Variants in ZNF106 observed in about 807,000 individuals in gnomAD.
ZNF106 encodes the protein SH3-domain binding protein 3.
A neutral mutation model predicts 195.1 loss-of-function variants in ZNF106; 67 were observed. The observed-to-expected ratio is 0.34, with a 90% CI of 0.28 to 0.42. The LOEUF (loss-of-function observed/expected upper bound fraction) is 0.42. ZNF106 is among the 10% of genes least tolerant of loss of function. The probability of loss-of-function intolerance (pLI) is 1.00; values close to 1 mark genes in which losing one functional copy is unlikely to be tolerated. For missense variants in ZNF106, 2,118 were observed against 2,304.5 expected (o/e 0.92, Z 1.66); for synonymous variants, 784 against 818.6 (o/e 0.96, Z 0.72).
intron 1 of ZNF106, among the ~76,000 whole-genome samples, chr15:42,473,986 TA>T (rs1283193291): frequency 6.6e-6 from 1 of 151,764 alleles, no homozygotes; most frequent in Non-Finnish European, 1.5e-5. Context: ...AAAGGCCAGG[TA>T]AAAAAAGAAC....
At position 42,456,990 on chromosome 15, in the gene ZNF106, A is replaced by G. The variant is rs759587762; in HGVS notation, c.285T>C (p.Ile95=). The part of the protein sequence containing the change: ...EEEDYFDKEL[I]QLIKQRKEQS... ...GTTCTTTCCTTTGTTTTATTAACTG[A>G]ATGAGTTCCTTGTCAAAATAATCTT... is the stretch of plus-strand genomic sequence containing the variant. The change falls in exon 4 of 22, where the codon ATT becomes ATC. Residue 95 remains isoleucine (I), a synonymous_variant. Transcript: ENST00000564754. 27 of 1,612,612 alleles carry G rather than the reference A, an allele frequency of 1.7e-5. No individual in the cohort carries two copies. The highest frequency in any genetic ancestry group is 2.2e-5 in the Non-Finnish European group (26 of 1,179,046).
At position 42,439,591 on chromosome 15, in the gene ZNF106, G is replaced by A. The variant is rs2055422879; in HGVS notation, c.3986C>T (p.Ala1329Val). Residue 1329 changes from alanine (A) to valine (V), a missense_variant, in exon 11 of 22, where the codon GCC (alanine) becomes GTC (valine). By Grantham distance (64) the Ala-to-Val change is moderately conservative. Coordinates refer to ENST00000564754, the MANE Select transcript of ZNF106 (RefSeq NM_001366845.3). ...CAATCTTAGAAAAGAACTGGTACAG[G>A]CTTCAGACCCACTATTGCCTTTGGT... Reference protein sequence around the residue: ...EPTKGNSGSEACTSSFLRLSF... With the variant: ...EPTKGNSGSEVCTSSFLRLSF... The A allele has an allele frequency of 1.2e-6, 2 of 1,614,016 alleles. No individual in the cohort carries two copies. Among genetic ancestry groups the A allele is most frequent in the African/African-American group, 1.3e-5 (1 of 74,900 alleles).
intron 4 of ZNF106, among the ~76,000 whole-genome samples, chr15:42,455,812 G>A (rs1190010481): frequency 1.3e-5 from 2 of 152,152 alleles, no homozygotes; most frequent in Non-Finnish European, 2.9e-5. Context: ...TTTAGAATCT[G>A]AAATGATTCT....
At chr15:42,422,667 C>A (rs1401419768) in intron 17 of ZNF106, 47 bp from the exon 18 acceptor site, 7 of 1,557,046 alleles carry the variant, frequency 4.5e-6, no homozygotes, top group Non-Finnish European at 6.1e-6. Flanking sequence ...TTTCGAGACT[C>A]CTTCCTGGTT....
chr15:42,454,228 C>G lies in ZNF106; in HGVS notation c.318-2274G>C, dbSNP rs555701464. On this transcript the variant is annotated intron_variant, in intron 4 of 21. Coordinates refer to ENST00000564754, the MANE Select transcript of ZNF106 (RefSeq NM_001366845.3). ...TTAAAAGTCTATTTAGAAGTTCAAA[C>G]ATCCACTCATATTATATAAATTACA... Among the ~76,000 whole-genome samples the G allele has an allele frequency of 5.9e-5, 9 of 152,346 alleles. No individual in the cohort carries two copies. The South Asian group carries it at 1.9e-3, about 32-fold the overall frequency.
rs1440664733 is a variant in ZNF106, at chr15:42,438,622, C to A, written c.4590G>T (p.Lys1530Asn). 7 of 1,613,400 alleles carry A rather than the reference C, an allele frequency of 4.3e-6. No individual in the cohort carries two copies. Among genetic ancestry groups the A allele is most frequent in the Admixed American group, 3.3e-5 (2 of 59,966 alleles). Residue 1530 changes from lysine (K) to asparagine (N), a missense_variant, in exon 12 of 22, where the codon AAG becomes AAT. Physicochemically the swap from Lys to Asn is moderately conservative, Grantham distance 94. Transcript: ENST00000564754. The part of the protein sequence containing the change: ...QTVISSIKGS[K>N]NSSEISSEPG... ...CTGAACAGCAAATACCTGAAGAATTCTTTGATCCTTTTATGGAGGAGATCA... is the reference window on the plus strand; with the variant it reads ...CTGAACAGCAAATACCTGAAGAATTATTTGATCCTTTTATGGAGGAGATCA...
At chr15:42,442,013 T>A (rs1428777585) in intron 10 of ZNF106, 60 bp downstream of exon 10, 1 of 1,374,688 alleles carries the variant, frequency 7.3e-7, no homozygotes, top group African/African-American at 1.5e-5. Context: ...ATATCACTCA[T>A]ATAAAAATGC....
In ZNF106 at chr15:42,422,652, C is replaced by A. The variant is rs749333269; in HGVS notation, c.5254-32G>T. The A allele has an allele frequency of 3.2e-5, 50 of 1,575,928 alleles. 1 individual carries two copies. The South Asian group carries it at 5.5e-4, about 17-fold the overall frequency. Reference sequence around the variant, plus strand: ...CAGAAGAGAAGTAAGAGTCACCAGACTGACTTTCGAGACTCCTTCCTGGTT... The same window carrying A: ...CAGAAGAGAAGTAAGAGTCACCAGAATGACTTTCGAGACTCCTTCCTGGTT... On this transcript the variant is annotated intron_variant, in intron 17 of 21. Coordinates refer to ENST00000564754, the MANE Select transcript of ZNF106 (RefSeq NM_001366845.3).
intron 15 of ZNF106, among the ~76,000 whole-genome samples, chr15:42,426,563 CTTT>C (rs539711765): frequency 2.7e-4 from 31 of 115,734 alleles, no homozygotes; most frequent in African/African-American, 1.0e-3. Flanking sequence ...CCATACTTAG[CTTT>C]TTTTTTTTTT....
chr15:42,438,986 T>C, intron 11 of ZNF106, 47 bp downstream of exon 11: 3 of 1,531,564 alleles, frequency 2.0e-6, no homozygotes, highest in Non-Finnish European at 2.6e-6. Context: ...TTTAAAAAAA[T>C]AAAGTTGGTG....
At position 42,451,489 on chromosome 15, in the gene ZNF106, A is replaced by T. The variant is rs2141361479; in HGVS notation, c.783T>A (p.Ser261Arg). The change falls in exon 5 of 22, where the codon AGT becomes AGA. Residue 261 changes from serine to arginine, a missense_variant. Ser to Arg is a moderately radical substitution (Grantham distance 110, BLOSUM62 -1). Transcript: ENST00000564754. ...SVRSTNNWNYSGPGDKFQPGR... is the reference protein window; with the variant it reads ...SVRSTNNWNYRGPGDKFQPGR... ...CTGGTTGAAATTTGTCTCCAGGGCCACTGTAATTCCAATTATTTGTACTAC... is the reference window on the plus strand; with the variant it reads ...CTGGTTGAAATTTGTCTCCAGGGCCTCTGTAATTCCAATTATTTGTACTAC... The T allele has an allele frequency of 1.2e-6, 2 of 1,614,246 alleles. No homozygotes were observed. The highest frequency in any genetic ancestry group is 4.5e-5 in the East Asian group (2 of 44,890).
intron 1 of ZNF106, among the ~76,000 whole-genome samples, chr15:42,474,290 T>C (rs987687496): frequency 5.9e-5 from 9 of 152,350 alleles, no homozygotes; most frequent in African/African-American, 1.7e-4. Flanking sequence ...AATTAAAATT[T>C]AAATTCCGTG....
At chr15:42,475,637 T>C (rs893060768) in intron 1 of ZNF106, among the ~76,000 whole-genome samples, 2 of 152,200 alleles carry the variant, frequency 1.3e-5, no homozygotes, top group African/African-American at 4.8e-5. Flanking sequence ...TTAAGTGCTG[T>C]AGCATACTAC....
At position 42,439,066 on chromosome 15, in the gene ZNF106, A is replaced by G; in HGVS notation, c.4511T>C (p.Ile1504Thr). The part of the protein sequence containing the change: ...GCDEVSSTSE[I>T]GTRYKDGIPV... ...GATGCCATCTTTATAGCGAGTGCCA[A>G]TTTCACTGGTAGAGCTAACTTCATC... Residue 1504 changes from isoleucine (I) to threonine (T), a missense_variant, in exon 11 of 22, where the codon ATT becomes ACT. By Grantham distance (89) the Ile-to-Thr change is moderately conservative (BLOSUM62 -1). Coordinates refer to ENST00000564754, the MANE Select transcript of ZNF106 (RefSeq NM_001366845.3). 2 of 1,613,894 alleles carry G rather than the reference A, an allele frequency of 1.2e-6. No homozygotes were observed. Among genetic ancestry groups the G allele is most frequent in the Non-Finnish European group, 1.7e-6 (2 of 1,179,920 alleles).
chr15:42,427,227 G>A (rs925143654), intron 15 of ZNF106, among the ~76,000 whole-genome samples: 4 of 152,014 alleles, frequency 2.6e-5, no homozygotes, highest in African/African-American at 9.7e-5. Context: ...TGGTCTCCCT[G>A]CCTTTGCTAA....
chr15:42,450,777 T>A lies in ZNF106; in HGVS notation c.1495A>T (p.Thr499Ser). 6.2e-7 allele frequency: 1 copy of A among 1,614,186 alleles called. No homozygotes were observed. The highest frequency in any genetic ancestry group is 1.1e-5 in the South Asian group (1 of 91,084). ...CCAGGGGAAAAAAAATTTGTTTTGG[T>A]GTTTTTTGAGATATTCTTTGGATCT... ...KQDPKNISKN[T>S]KTNFFSPGEH... The change falls in exon 5 of 22, where the codon ACC becomes TCC. Residue 499 changes from threonine (T) to serine (S), a missense_variant. Transcript: ENST00000564754.
In ZNF106 at chr15:42,425,016, G is replaced by A. The variant is rs1172399259; in HGVS notation, c.5008C>T (p.Arg1670Ter). ...VVTFNIKNNK[R>*]LEIFECHGPR... Reference sequence around the variant, plus strand: ...CCATGGCATTCAAAGATCTCAAGTCGTTTGTTGTTCTGGAAAATAAGCCAA... The same window carrying A: ...CCATGGCATTCAAAGATCTCAAGTCATTTGTTGTTCTGGAAAATAAGCCAA... The change falls in exon 16 of 22, where the codon CGA (arginine) becomes TGA (stop). Residue 1670 changes from arginine (R) to a stop codon, truncating the protein, a stop_gained. Transcript: ENST00000564754. LOFTEE classifies it high-confidence loss of function. 2.5e-6 allele frequency: 4 copies of A among 1,613,610 alleles called. No individual in the cohort carries two copies. Among genetic ancestry groups the A allele is most frequent in the Non-Finnish European group, 2.5e-6 (3 of 1,179,798 alleles).
At chr15:42,447,973 C>T (rs1346794077) in intron 6 of ZNF106, 99 bp downstream of exon 6, 1 of 1,359,364 alleles carries the variant, frequency 7.4e-7, no homozygotes, top group African/African-American at 1.5e-5. Flanking sequence ...GAGAGAATCA[C>T]AATCCCAGAT....
chr15:42,444,138 A>AG, intron 9 of ZNF106, 64 bp downstream of exon 9: 3 of 834,402 alleles, frequency 3.6e-6, no homozygotes, highest in South Asian at 4.3e-5. Context: ...AAAAAAAAAA[A>AG]GCAGAGAAAA....
Sources: gnomAD v4.1 joint callset for allele counts (sites outside exome capture counted in the v4.1 genomes callset) on GRCh38, gnomAD v4.1.1 for gene constraint, MANE v1.5 for transcripts, NCBI Gene and HGNC (gene_info 2026-07-23, HGNC 2026-07-21) for gene names.